Variants in PCDHGB1 observed in about 807,000 individuals in gnomAD.
PCDHGB1 encodes protocadherin gamma-B1.
Under a neutral mutation model 56.6 loss-of-function variants are expected in PCDHGB1, and 34 were observed. That is an observed-to-expected ratio of 0.60 (90% confidence interval 0.46 to 0.80). PCDHGB1 has a LOEUF of 0.80. Ranked by LOEUF, PCDHGB1 falls within the 30% of genes least tolerant of loss-of-function variation. The pLI, the probability that PCDHGB1 is intolerant of heterozygous loss-of-function variation, is 0.00. For missense variants in PCDHGB1, 1,278 were observed against 1,204.6 expected (o/e 1.06, Z -0.90); for synonymous variants, 561 against 505.9 (o/e 1.11, Z -1.46).
intron 1 of PCDHGB1, among the ~76,000 whole-genome samples, chr5:141,436,424 T>C (rs2154557109): frequency 6.6e-6 from 1 of 152,322 alleles, no homozygotes; most frequent in Middle Eastern, 3.4e-3. Context: ...AAACAAATAA[T>C]GTACTCTGGG....
At chr5:141,394,991 G>C (rs1282662717) in intron 1 of PCDHGB1, 1 of 1,614,012 alleles carries the variant, frequency 6.2e-7, no homozygotes, top group East Asian at 2.2e-5. Flanking sequence ...GCCTGCTCCA[G>C]GATTCCGGTG....
chr5:141,409,867 C>A (rs376725837), intron 1 of PCDHGB1: 201 of 1,612,544 alleles, frequency 1.2e-4, no homozygotes, highest in Middle Eastern at 8.2e-4. Context: ...TGGGAGACCG[C>A]AATGACAACG....
At chr5:141,371,755 A>T (rs752277488) in intron 1 of PCDHGB1, 3 of 1,614,030 alleles carry the variant, frequency 1.9e-6, no homozygotes, top group South Asian at 1.1e-5. Flanking sequence ...GTTTTCCACC[A>T]GGCCTCCTAC....
intron 1 of PCDHGB1, chr5:141,357,786 T>C (rs779369943): frequency 5.2e-5 from 44 of 847,236 alleles, no homozygotes; most frequent in Non-Finnish European, 7.3e-5. Flanking sequence ...TCAACAGTAT[T>C]TACCACACAA....
intron 1 of PCDHGB1, chr5:141,361,846 G>A (rs1762210359): frequency 1.2e-6 from 2 of 1,612,604 alleles, no homozygotes; most frequent in African/African-American, 1.3e-5. Flanking sequence ...GGGGCCTGAT[G>A]GCTCCGCCCT....
intron 1 of PCDHGB1, among the ~76,000 whole-genome samples, chr5:141,481,710 T>C (rs1447483213): frequency 6.6e-6 from 1 of 151,556 alleles, no homozygotes; most frequent in Non-Finnish European, 1.5e-5. Context: ...TCCCAGCACT[T>C]TGGGAGGCGG....
intron 1 of PCDHGB1, chr5:141,424,411 C>T (rs1259102577): frequency 6.6e-6 from 1 of 152,154 alleles, no homozygotes; most frequent in Admixed American, 6.5e-5. Flanking sequence ...GGTGAAGTTA[C>T]ATTGACTGTT....
chr5:141,394,138 T>C (rs1360282699), intron 1 of PCDHGB1: 1 of 1,613,860 alleles, frequency 6.2e-7, no homozygotes. Flanking sequence ...GCTCTGCACG[T>C]GGCAGACATT....
In PCDHGB1 at chr5:141,485,896, C is replaced by T; in HGVS notation, c.2410-8911C>T. On this transcript the variant is annotated intron_variant, in intron 1 of 3. Coordinates refer to ENST00000523390, the MANE Select transcript of PCDHGB1 (RefSeq NM_018922.3). The surrounding 1 kb of genome is among the most constrained non-coding windows in gnomAD (Gnocchi z 5.7). ...TGGACGTAAACGACAACGCCCCAGC[C>T]TTCCAGCAATCCAGCTACAGGATTA... 6.2e-7 allele frequency: 1 copy of T among 1,614,190 alleles called. No individual in the cohort carries two copies. The highest frequency in any genetic ancestry group is 8.5e-7 in the Non-Finnish European group (1 of 1,180,042).
intron 1 of PCDHGB1, among the ~76,000 whole-genome samples, chr5:141,451,780 C>T (rs988572200): frequency 6.6e-6 from 1 of 152,016 alleles, no homozygotes; most frequent in Non-Finnish European, 1.5e-5. Flanking sequence ...ACTCAGGAGG[C>T]TGAGGCCAGA....
chr5:141,363,373 G>GT (rs1231434540), intron 1 of PCDHGB1, among the ~76,000 whole-genome samples: 4 of 151,738 alleles, frequency 2.6e-5, no homozygotes, highest in Non-Finnish European at 5.9e-5. Flanking sequence ...CAATCAAGAG[G>GT]TTTTTCTATT....
intron 1 of PCDHGB1, among the ~76,000 whole-genome samples, chr5:141,373,452 G>A (rs1032272285): frequency 6.6e-6 from 1 of 152,218 alleles, no homozygotes; most frequent in South Asian, 2.1e-4. Context: ...GATCCCAGGA[G>A]GTAGCAGCTG....
rs769461165 is a variant in PCDHGB1, at chr5:141,491,293, C to G, written c.2410-3514C>G. 2 of 1,614,048 alleles carry G rather than the reference C, an allele frequency of 1.2e-6. No individual in the cohort carries two copies. Among genetic ancestry groups the G allele is most frequent in the Admixed American group, 3.3e-5 (2 of 60,008 alleles). ...ATCCAGTGACTTCCTCATACACCCT[C>G]CTGAGCGTTCAGACCTTACCCTTTA... On this transcript the variant is annotated intron_variant, in intron 1 of 3. Coordinates refer to ENST00000523390, the MANE Select transcript of PCDHGB1 (RefSeq NM_018922.3). This position sits in a 1 kb window ranked among gnomAD's most constrained non-coding sequence, Gnocchi z 6.9.
At chr5:141,457,393 T>G (rs1299068071) in intron 1 of PCDHGB1, among the ~76,000 whole-genome samples, 1 of 152,228 alleles carries the variant, frequency 6.6e-6, no homozygotes, top group African/African-American at 2.4e-5. Flanking sequence ...AGCATATTGA[T>G]TCACATTTTC....
rs1460703461 is a variant in PCDHGB1 at position 141,490,596 on chromosome 5, C to G, written c.2410-4211C>G. 2.5e-6 allele frequency: 4 copies of G among 1,614,052 alleles called. No homozygotes were observed. The African/African-American group carries it at 4.0e-5, about 16-fold the overall frequency. On this transcript the variant is annotated intron_variant, in intron 1 of 3. Transcript: ENST00000523390. The surrounding 1 kb of genome is among the most constrained non-coding windows in gnomAD (Gnocchi z 5.4). Reference sequence around the variant, plus strand: ...TTTCAGATGTCAATGACAATGCACCCCGCTTCAACCAGCAGCTTTACACTG... The same window carrying G: ...TTTCAGATGTCAATGACAATGCACCGCGCTTCAACCAGCAGCTTTACACTG...
intron 1 of PCDHGB1, chr5:141,375,379 G>C (rs763011403): frequency 1.2e-6 from 2 of 1,613,794 alleles, no homozygotes; most frequent in Non-Finnish European, 1.7e-6. Context: ...CACCACCTCT[G>C]TCTACAGAAA....
chr5:141,372,098 G>C (rs2149999180), intron 1 of PCDHGB1: 1 of 1,613,794 alleles, frequency 6.2e-7, no homozygotes, highest in Middle Eastern at 1.7e-4. Flanking sequence ...CAGCTCTGGG[G>C]CCCGAAGGCT....
chr5:141,355,540 G>C (rs1357425110), intron 1 of PCDHGB1: 1 of 1,613,966 alleles, frequency 6.2e-7, no homozygotes, highest in Non-Finnish European at 8.5e-7. Flanking sequence ...AGAAGATACA[G>C]TGAAGATTTT....
At chr5:141,372,379 T>TA (rs1390677977) in intron 1 of PCDHGB1, 1 of 1,613,888 alleles carries the variant, frequency 6.2e-7, no homozygotes, top group Non-Finnish European at 8.5e-7. Context: ...ATGCTGCACC[T>TA]AATCTTCGCA....
Sources: allele counts gnomAD v4.1 joint callset (sites outside exome capture counted in the v4.1 genomes callset), GRCh38; gene constraint gnomAD v4.1.1; non-coding constraint Gnocchi (gnomAD v3.1); transcripts MANE v1.5; gene names NCBI Gene and HGNC (gene_info 2026-07-23, HGNC 2026-07-21).